Variants in RNF216 observed in about 807,000 individuals in gnomAD.
RNF216 encodes ring finger protein 216, also known as E3 ubiquitin-protein ligase RNF216.
In RNF216, 72 loss-of-function variants were observed where a neutral mutation model predicts 110.8. That is an observed-to-expected ratio of 0.65 (90% CI 0.54 to 0.79). RNF216 has a LOEUF of 0.79. Ranked by LOEUF, RNF216 falls within the 30% of genes least tolerant of loss-of-function variation. The probability of loss-of-function intolerance (pLI) is 0.00; values close to 1 mark genes in which losing one functional copy is unlikely to be tolerated. For missense variants in RNF216, 1,342 were observed against 1,141.2 expected (o/e 1.18, Z -2.54); for synonymous variants, 495 against 407.5 (o/e 1.21, Z -2.59).
intron 13 of RNF216, among the ~76,000 whole-genome samples, chr7:5,689,714 G>T (rs1791209071): frequency 6.6e-6 from 1 of 151,774 alleles, no homozygotes; most frequent in African/African-American, 2.4e-5. Flanking sequence ...GCACTTTGGG[G>T]AGGCCGAGGC....
At chr7:5,743,476 G>A (rs906560093) in intron 3 of RNF216, among the ~76,000 whole-genome samples, 10 of 152,040 alleles carry the variant, frequency 6.6e-5, no homozygotes, top group Admixed American at 6.6e-4. Context: ...CTCTACAACT[G>A]ACCCCTACCA....
chr7:5,671,632 G>GT (rs1336929304), intron 13 of RNF216, among the ~76,000 whole-genome samples: 1 of 151,978 alleles, frequency 6.6e-6, no homozygotes, highest in Non-Finnish European at 1.5e-5. Context: ...GTGAAACACC[G>GT]TCTCTACTAA....
intron 13 of RNF216, among the ~76,000 whole-genome samples, chr7:5,673,815 C>G (rs1278524890): frequency 6.6e-6 from 1 of 150,782 alleles, no homozygotes; most frequent in Admixed American, 6.6e-5. Context: ...AGTTTGAGAC[C>G]AGCCTAGGAA....
chr7:5,622,855 G>T lies in RNF216; in HGVS notation c.*5C>A. On this transcript the variant is annotated 3_prime_UTR_variant, in exon 17 of 17. Coordinates refer to ENST00000389902, the MANE Select transcript of RNF216 (RefSeq NM_207111.4). The stretch of plus-strand genomic sequence containing the variant: ...TTTGTGCTGCTCAATGGGGATTCGG[G>T]GCCATCAGAAGCGATGCCGCGGCTG... 1.3e-6 allele frequency: 2 copies of T among 1,592,900 alleles called. No individual in the cohort carries two copies. The highest frequency in any genetic ancestry group is 1.3e-5 in the African/African-American group (1 of 74,834).
chr7:5,734,300 T>G (rs945832020), intron 5 of RNF216, among the ~76,000 whole-genome samples: 1 of 152,184 alleles, frequency 6.6e-6, no homozygotes, highest in Non-Finnish European at 1.5e-5. Context: ...GGTTCTACCC[T>G]ACATGAATAA....
At chr7:5,773,155 G>A (rs996490299) in intron 1 of RNF216, among the ~76,000 whole-genome samples, 2 of 151,996 alleles carry the variant, frequency 1.3e-5, no homozygotes, top group Non-Finnish European at 2.9e-5. Flanking sequence ...TGATATTGAT[G>A]TTATTAATAA....
intron 14 of RNF216, 23 bp downstream of exon 14, chr7:5,652,390 C>A: frequency 6.6e-7 from 1 of 1,523,782 alleles, no homozygotes; most frequent in African/African-American, 1.4e-5. Context: ...CAGCCCATAG[C>A]CCCTCTGAAT....
intron 8 of RNF216, among the ~76,000 whole-genome samples, chr7:5,722,483 G>A (rs1207888080): frequency 4.0e-5 from 6 of 150,234 alleles, no homozygotes; most frequent in South Asian, 4.2e-4. Flanking sequence ...TCCGCCCCCC[G>A]GGGTTCACGC....
At chr7:5,641,120 C>G in intron 15 of RNF216, 34 bp downstream of exon 15, 1 of 1,470,116 alleles carries the variant, frequency 6.8e-7, no homozygotes, top group Non-Finnish European at 9.5e-7. Context: ...TATTTTCTCC[C>G]TATAAAGCAA....
intron 2 of RNF216, among the ~76,000 whole-genome samples, chr7:5,757,515 G>A (rs1163059872): frequency 6.6e-6 from 1 of 151,760 alleles, no homozygotes; most frequent in East Asian, 1.9e-4. Flanking sequence ...TTTTCACTAG[G>A]TACAGAATCG....
intron 14 of RNF216, among the ~76,000 whole-genome samples, chr7:5,651,236 T>C (rs1303068134): frequency 6.6e-6 from 1 of 152,030 alleles, no homozygotes; most frequent in Non-Finnish European, 1.5e-5. Flanking sequence ...TCTCTTTTTT[T>C]TTTTTGAGTT....
intron 3 of RNF216, among the ~76,000 whole-genome samples, chr7:5,748,861 T>C (rs575624809): frequency 2.6e-5 from 4 of 152,264 alleles, no homozygotes; most frequent in African/African-American, 9.6e-5. Context: ...GTTGTTCAAG[T>C]GTAAACTGTA....
At chr7:5,762,042 G>A (rs1227489742) in intron 1 of RNF216, among the ~76,000 whole-genome samples, 1 of 151,998 alleles carries the variant, frequency 6.6e-6, no homozygotes, top group Admixed American at 6.6e-5. Context: ...ATACGGACAG[G>A]GATGGTCATT....
chr7:5,729,627 G>T, intron 6 of RNF216, 31 bp from the exon 7 acceptor site: 3 of 1,582,184 alleles, frequency 1.9e-6, no homozygotes, highest in Non-Finnish European at 2.6e-6. Context: ...AAAATCAGAG[G>T]CCAGGCAGTA....
intron 1 of RNF216, chr7:5,774,869 T>C (rs1443181812): frequency 6.6e-6 from 1 of 152,134 alleles, no homozygotes; most frequent in Admixed American, 6.6e-5. Context: ...GTGATTCTCC[T>C]GTCTCAGCCT....
chr7:5,635,571 C>G lies in RNF216; in HGVS notation c.2382+5583G>C, dbSNP rs1787348676. The stretch of plus-strand genomic sequence containing the variant: ...TTCCAACAACATCATGTCCTTTCCC[C>G]TGCCGCTTAAGCCAGGGTCCCAAAG... On this transcript the variant is annotated intron_variant, in intron 15 of 16. Coordinates refer to ENST00000389902, the MANE Select transcript of RNF216 (RefSeq NM_207111.4). Among the ~76,000 whole-genome samples, 3 of 152,172 alleles carry G rather than the reference C, an allele frequency of 2.0e-5. No homozygotes were observed. In the South Asian group the frequency reaches 6.2e-4, roughly 32 times the overall value.
chr7:5,643,310 A>G (rs1317437628), intron 14 of RNF216, among the ~76,000 whole-genome samples: 3 of 151,688 alleles, frequency 2.0e-5, no homozygotes, highest in Non-Finnish European at 4.4e-5. Context: ...CAGTAATATA[A>G]AAGTGAAAAA....
intron 1 of RNF216, among the ~76,000 whole-genome samples, chr7:5,777,216 C>T (rs1477851508): frequency 6.6e-6 from 1 of 152,168 alleles, no homozygotes; most frequent in African/African-American, 2.4e-5. Flanking sequence ...CTGCTGACAA[C>T]ATGTCGACCA....
intron 1 of RNF216, 117 bp downstream of exon 1, chr7:5,781,424 T>G (rs1337697691): frequency 1.3e-5 from 1 of 74,492 alleles, no homozygotes; most frequent in Non-Finnish European, 2.7e-5. Context: ...TCGGCGGCCC[T>G]CACGGCCCGC....
Sources: allele counts gnomAD v4.1 joint callset (sites outside exome capture counted in the v4.1 genomes callset), GRCh38; gene constraint gnomAD v4.1.1; transcripts MANE v1.5; gene names NCBI Gene and HGNC (gene_info 2026-07-23, HGNC 2026-07-21).